ERBB4: variants seen among roughly 807,000 people sequenced by gnomAD.
ERBB4 encodes the protein receptor tyrosine-protein kinase erbB-4.
A neutral mutation model predicts 158.0 loss-of-function variants in ERBB4; 42 were observed. That is an observed-to-expected ratio of 0.27 (90% CI 0.21 to 0.34). The LOEUF is 0.34. Among genes scored for constraint, ERBB4 ranks in the 10% least tolerant of loss-of-function variants. ERBB4 has a pLI of 1.00. For missense variants in ERBB4, 1,333 were observed against 1,624.1 expected (o/e 0.82, Z 3.08); for synonymous variants, 583 against 558.7 (o/e 1.04, Z -0.61).
At chr2:212,030,566 G>C (rs1208905598) in intron 2 of ERBB4, among the ~76,000 whole-genome samples, 2 of 152,002 alleles carry the variant, frequency 1.3e-5, no homozygotes, top group Non-Finnish European at 2.9e-5. Context: ...AAGAAACAAG[G>C]GTAGGGAAAT....
intron 3 of ERBB4, among the ~76,000 whole-genome samples, chr2:211,906,402 T>C (rs2079393565): frequency 6.6e-6 from 1 of 152,142 alleles, no homozygotes; most frequent in Admixed American, 6.5e-5. Context: ...GAACGAACTA[T>C]AGAGGAAGCA....
intron 2 of ERBB4, among the ~76,000 whole-genome samples, chr2:211,963,404 G>C (rs1183086295): frequency 6.6e-6 from 1 of 152,040 alleles, no homozygotes; most frequent in Non-Finnish European, 1.5e-5. Context: ...AGTTGCCTTA[G>C]TGGTTTTCTA....
At chr2:211,589,753 A>G (rs1343076841) in intron 19 of ERBB4, among the ~76,000 whole-genome samples, 1 of 152,224 alleles carries the variant, frequency 6.6e-6, no homozygotes, top group East Asian at 1.9e-4. Context: ...AAAATTGATC[A>G]TTAACTATAA....
At chr2:211,561,846 A>G (rs768291348) in intron 20 of ERBB4, 57 bp downstream of exon 20, 2 of 1,419,956 alleles carry the variant, frequency 1.4e-6, no homozygotes, top group Non-Finnish European at 2.0e-6. Context: ...AAACTGTTCC[A>G]GGTTAGGAAA....
intron 1 of ERBB4, among the ~76,000 whole-genome samples, chr2:212,534,577 C>T (rs1692936133): frequency 6.6e-6 from 1 of 152,100 alleles, no homozygotes. Context: ...AAAACTGGCT[C>T]AGAGGACTCC....
At chr2:211,593,340 A>C (rs2068533682) in intron 19 of ERBB4, among the ~76,000 whole-genome samples, 1 of 152,206 alleles carries the variant, frequency 6.6e-6, no homozygotes, top group South Asian at 2.1e-4. Context: ...ATTAACAGAA[A>C]GTGGAAACGT....
At chr2:211,645,521 T>G (rs2070754153) in intron 16 of ERBB4, among the ~76,000 whole-genome samples, 1 of 151,680 alleles carries the variant, frequency 6.6e-6, no homozygotes, top group Admixed American at 6.6e-5. Context: ...TGAAACCAAT[T>G]AATAAATCAA....
intron 1 of ERBB4, among the ~76,000 whole-genome samples, chr2:212,515,878 G>T (rs544773890): frequency 1.3e-5 from 2 of 151,936 alleles, no homozygotes; most frequent in Admixed American, 6.6e-5. Flanking sequence ...TAACTCAAAA[G>T]AGTTATCTCC....
chr2:211,742,765 G>A (rs529469365), intron 5 of ERBB4, among the ~76,000 whole-genome samples: 78 of 151,762 alleles, frequency 5.1e-4, no homozygotes, highest in Admixed American at 1.2e-3. Flanking sequence ...GACATAAAAT[G>A]TTGTTTGGAA....
chr2:211,974,091 G>A (rs763729195), intron 2 of ERBB4, among the ~76,000 whole-genome samples: 2 of 152,154 alleles, frequency 1.3e-5, no homozygotes, highest in African/African-American at 2.4e-5. Context: ...AGGGTGGACG[G>A]TGGGAGGAGG....
chr2:211,987,157 C>T (rs1430585318), intron 2 of ERBB4, among the ~76,000 whole-genome samples: 1 of 151,630 alleles, frequency 6.6e-6, no homozygotes, highest in African/African-American at 2.4e-5. Flanking sequence ...CTGGTCTCTA[C>T]TAAACACACA....
At chr2:211,669,617 C>G (rs560219792) in intron 14 of ERBB4, among the ~76,000 whole-genome samples, 85 of 152,274 alleles carry the variant, frequency 5.6e-4, no homozygotes, top group African/African-American at 1.8e-3. Context: ...TGTGGACAGA[C>G]AAGGACATAA....
chr2:211,551,987 A>C (rs1375498691), intron 20 of ERBB4, among the ~76,000 whole-genome samples: 1 of 152,188 alleles, frequency 6.6e-6, no homozygotes, highest in African/African-American at 2.4e-5. Flanking sequence ...TTCTTAACAC[A>C]AGAATCTGCT....
chr2:212,325,362 A>G (rs2087776971), intron 1 of ERBB4, among the ~76,000 whole-genome samples: 1 of 150,528 alleles, frequency 6.6e-6, no homozygotes, highest in African/African-American at 2.4e-5. Flanking sequence ...CAGTGAATGA[A>G]TTGTTTCTCT....
intron 3 of ERBB4, among the ~76,000 whole-genome samples, chr2:211,916,899 C>T: frequency 6.6e-6 from 1 of 152,082 alleles, no homozygotes; most frequent in East Asian, 1.9e-4. Context: ...ATATAAACAT[C>T]ACAAAATGTA....
chr2:212,446,723 A>G (rs545932754), intron 1 of ERBB4, among the ~76,000 whole-genome samples: 35 of 145,938 alleles, frequency 2.4e-4, no homozygotes, highest in African/African-American at 8.8e-4. Context: ...ATAAAGAAAA[A>G]GTAAAATTCA....
At chr2:211,929,566 T>C (rs1410837451) in intron 3 of ERBB4, among the ~76,000 whole-genome samples, 5 of 152,134 alleles carry the variant, frequency 3.3e-5, no homozygotes, top group Non-Finnish European at 5.9e-5. Flanking sequence ...CAGTGCCATG[T>C]TGATAGATAT....
At chr2:212,131,307 A>G (rs942927433) in intron 1 of ERBB4, among the ~76,000 whole-genome samples, 5 of 152,318 alleles carry the variant, frequency 3.3e-5, no homozygotes, top group African/African-American at 1.2e-4. Context: ...ACAGAATAAT[A>G]TTTTTAAAAA....
At chr2:211,996,194 A>AT (rs1400545252) in intron 2 of ERBB4, among the ~76,000 whole-genome samples, 2 of 151,950 alleles carry the variant, frequency 1.3e-5, no homozygotes, top group South Asian at 2.1e-4. Flanking sequence ...TACCATATAG[A>AT]TTTTTTTATA....
Sources: gnomAD v4.1 joint callset for allele counts (sites outside exome capture counted in the v4.1 genomes callset) on GRCh38, gnomAD v4.1.1 for gene constraint, MANE v1.5 for transcripts, NCBI Gene and HGNC (gene_info 2026-07-23, HGNC 2026-07-21) for gene names.